The following DPYD variants were observed in gnomAD, a reference collection of about 807,000 sequenced individuals.
The protein encoded by DPYD is dihydropyrimidine dehydrogenase.
DPYD carries 109 observed loss-of-function variants against 116.2 expected under a neutral mutation model. The observed-to-expected ratio is 0.94, with a 90% CI of 0.80 to 1.10. The LOEUF (loss-of-function observed/expected upper bound fraction) is 1.10. Among genes scored for constraint, DPYD ranks in the 50% least tolerant of loss-of-function variants. The pLI, the probability that DPYD is intolerant of heterozygous loss-of-function variation, is 0.00. For synonymous variants in DPYD, 440 were observed against 432.0 expected (o/e 1.02, Z -0.23); for missense variants, 1,302 against 1,254.5 (o/e 1.04, Z -0.57).
intron 2 of DPYD, among the ~76,000 whole-genome samples, chr1:97,878,740 T>C (rs1370131394): frequency 2.6e-5 from 4 of 151,988 alleles, no homozygotes; most frequent in African/African-American, 9.7e-5. Context: ...AAGGCAAATA[T>C]GATCAACTCA....
chr1:97,636,840 A>G (rs571416638), intron 8 of DPYD, among the ~76,000 whole-genome samples: 102 of 152,240 alleles, frequency 6.7e-4, no homozygotes, highest in Admixed American at 2.5e-3. Flanking sequence ...GAATGAGGGC[A>G]TTGTCTCTCC....
intron 8 of DPYD, among the ~76,000 whole-genome samples, chr1:97,647,138 G>A (rs1658307308): frequency 6.6e-6 from 1 of 151,922 alleles, no homozygotes; most frequent in Non-Finnish European, 1.5e-5. Context: ...TTTGTTTTCT[G>A]ATTTCCTAAA....
intron 18 of DPYD, among the ~76,000 whole-genome samples, chr1:97,284,448 T>C (rs1227366595): frequency 6.6e-6 from 1 of 152,144 alleles, no homozygotes; most frequent in Non-Finnish European, 1.5e-5. Context: ...TACAGTTATA[T>C]AGTATATTAT....
At chr1:97,707,449 C>G (rs1256379318) in intron 5 of DPYD, among the ~76,000 whole-genome samples, 1 of 113,512 alleles carries the variant, frequency 8.8e-6, no homozygotes, top group East Asian at 3.3e-4. Flanking sequence ...CCCCCTCCCC[C>G]CACCCCACAA....
intron 6 of DPYD, among the ~76,000 whole-genome samples, chr1:97,694,132 A>C (rs1661172705): frequency 6.6e-6 from 1 of 152,192 alleles, no homozygotes; most frequent in Non-Finnish European, 1.5e-5. Context: ...CTCTGGAACC[A>C]TTGTCACCAA....
At chr1:97,611,381 G>A (rs368865517) in intron 8 of DPYD, among the ~76,000 whole-genome samples, 1 of 151,982 alleles carries the variant, frequency 6.6e-6, no homozygotes, top group Non-Finnish European at 1.5e-5. Context: ...AGAGTTGGGT[G>A]GGGACAGAGA....
intron 13 of DPYD, among the ~76,000 whole-genome samples, chr1:97,483,363 A>G (rs1678429323): frequency 6.6e-6 from 1 of 152,186 alleles, no homozygotes; most frequent in South Asian, 2.1e-4. Context: ...AAATGTATTT[A>G]TCTGCCCTTG....
chr1:97,481,456 C>A (rs1488872516), intron 13 of DPYD, among the ~76,000 whole-genome samples: 1 of 151,924 alleles, frequency 6.6e-6, no homozygotes, highest in Non-Finnish European at 1.5e-5. Flanking sequence ...GGAGTCTATT[C>A]TAGAGAAATT....
chr1:97,793,795 C>T (rs1216587437), intron 3 of DPYD, among the ~76,000 whole-genome samples: 1 of 152,072 alleles, frequency 6.6e-6, no homozygotes. Context: ...ATATTTGCAA[C>T]CCTAGGGTAG....
intron 2 of DPYD, among the ~76,000 whole-genome samples, chr1:97,852,780 C>A (rs750725264): frequency 3.2e-4 from 49 of 152,088 alleles, no homozygotes; most frequent in Non-Finnish European, 5.9e-4. Context: ...TGATGTGTTA[C>A]CCCATGAAGC....
chr1:97,388,268 G>C (rs1003776652), intron 14 of DPYD, among the ~76,000 whole-genome samples: 5 of 152,026 alleles, frequency 3.3e-5, no homozygotes, highest in African/African-American at 1.2e-4. Context: ...TTTATATTTA[G>C]TATGTCTAGT....
intron 18 of DPYD, among the ~76,000 whole-genome samples, chr1:97,268,739 A>G (rs764218468): frequency 2.0e-5 from 3 of 152,158 alleles, no homozygotes; most frequent in Non-Finnish European, 2.9e-5. Context: ...GCCCCTGTCT[A>G]GAAACCCTGC....
chr1:97,873,126 T>C (rs926595910), intron 2 of DPYD, among the ~76,000 whole-genome samples: 3 of 151,926 alleles, frequency 2.0e-5, no homozygotes, highest in Non-Finnish European at 4.4e-5. Flanking sequence ...GGTTAACACC[T>C]GTGCAAATGC....
chr1:97,512,901 G>A (rs910510659), intron 13 of DPYD, among the ~76,000 whole-genome samples: 2 of 151,644 alleles, frequency 1.3e-5, no homozygotes, highest in Non-Finnish European at 2.9e-5. Context: ...AACATTCTTG[G>A]AAAGACAGAT....
chr1:97,492,548 T>C (rs1226806283), intron 13 of DPYD, among the ~76,000 whole-genome samples: 1 of 152,184 alleles, frequency 6.6e-6, no homozygotes, highest in Non-Finnish European at 1.5e-5. Flanking sequence ...GTTCCACGTA[T>C]GCAGATCATA....
At chr1:97,493,148 G>C (rs969768981) in intron 13 of DPYD, among the ~76,000 whole-genome samples, 1 of 152,112 alleles carries the variant, frequency 6.6e-6, no homozygotes, top group African/African-American at 2.4e-5. Context: ...CTTCTCTACA[G>C]GAAGTTAAGG....
intron 4 of DPYD, among the ~76,000 whole-genome samples, chr1:97,725,774 C>A (rs1245890377): frequency 6.6e-6 from 1 of 151,548 alleles, no homozygotes; most frequent in East Asian, 1.9e-4. Context: ...CCCTATCTCA[C>A]ACCAAACAAA....
At chr1:97,485,504 A>C (rs1193226395) in intron 13 of DPYD, among the ~76,000 whole-genome samples, 1 of 152,184 alleles carries the variant, frequency 6.6e-6, no homozygotes, top group Non-Finnish European at 1.5e-5. Context: ...GCCCAGCCTG[A>C]CATACTCTTT....
At chr1:97,093,021 C>T (rs1487991408) in intron 21 of DPYD, among the ~76,000 whole-genome samples, 3 of 152,148 alleles carry the variant, frequency 2.0e-5, no homozygotes, top group African/African-American at 7.2e-5. Context: ...CCCTTCTAAT[C>T]TCTACTTAGT....
Sources: allele counts gnomAD v4.1 joint callset (sites outside exome capture counted in the v4.1 genomes callset), GRCh38; gene constraint gnomAD v4.1.1; transcripts MANE v1.5; gene names NCBI Gene and HGNC (gene_info 2026-07-23, HGNC 2026-07-21).